LPP: variants seen among roughly 807,000 people sequenced by gnomAD.
The protein encoded by LPP is LIM domain containing preferred translocation partner in lipoma, also known as lipoma-preferred partner.
Under a neutral mutation model 60.4 loss-of-function variants are expected in LPP, and 38 were observed. The ratio of observed to expected loss-of-function variants is 0.63; its 90% CI spans 0.49 to 0.83. LPP has a LOEUF of 0.83. Among genes scored for constraint, LPP ranks in the 40% least tolerant of loss-of-function variants. LPP has a pLI of 0.00. For missense variants in LPP, 902 were observed against 783.6 expected, an observed-to-expected ratio of 1.15 and a Z score of -1.80; for synonymous variants, 328 against 290.8, an observed-to-expected ratio of 1.13 and a Z score of -1.30.
intron 8 of LPP, among the ~76,000 whole-genome samples, chr3:188,756,487 TA>T (rs1730297000): frequency 6.6e-6 from 1 of 152,190 alleles, no homozygotes; most frequent in Non-Finnish European, 1.5e-5. Flanking sequence ...GATACTTGTC[TA>T]AAAGATGGGC....
At chr3:188,284,404 C>T (rs905019544) in intron 2 of LPP, among the ~76,000 whole-genome samples, 14 of 152,008 alleles carry the variant, frequency 9.2e-5, no homozygotes, top group African/African-American at 2.9e-4. Flanking sequence ...GAGGGGCTTA[C>T]GGGAAGGATG....
At chr3:188,836,629 A>G (rs1758525364) in intron 9 of LPP, among the ~76,000 whole-genome samples, 1 of 152,222 alleles carries the variant, frequency 6.6e-6, no homozygotes, top group South Asian at 2.1e-4. Context: ...GCTTAATTCT[A>G]TTAGATGCGC....
At chr3:188,632,106 C>T (rs899923366) in intron 7 of LPP, among the ~76,000 whole-genome samples, 1 of 152,192 alleles carries the variant, frequency 6.6e-6, no homozygotes, top group Admixed American at 6.5e-5. Context: ...GATACTTCCT[C>T]AGAAATAGTT....
At chr3:188,698,196 C>G (rs1863684229) in intron 7 of LPP, among the ~76,000 whole-genome samples, 1 of 152,158 alleles carries the variant, frequency 6.6e-6, no homozygotes, top group South Asian at 2.1e-4. Flanking sequence ...CCTGGAGTCA[C>G]TGCCAGGCAT....
At chr3:188,583,849 C>G (rs776271785) in intron 6 of LPP, among the ~76,000 whole-genome samples, 16 of 152,132 alleles carry the variant, frequency 1.1e-4, no homozygotes, top group Non-Finnish European at 2.2e-4. Context: ...CAGACTGCTT[C>G]TAGAGAGCTT....
chr3:188,682,384 C>T (rs530465087), intron 7 of LPP, among the ~76,000 whole-genome samples: 1 of 151,972 alleles, frequency 6.6e-6, no homozygotes, highest in South Asian at 2.1e-4. Context: ...CGTTTATTAG[C>T]ATATGTGTCA....
Position 188,208,920 on chromosome 3 carries a change from T to G in LPP, c.-189-16485T>G, listed in dbSNP as rs555955207. On this transcript the variant is annotated intron_variant, in intron 1 of 11. Transcript: ENST00000617246. ...TATTTGTAATGGAATGCACAGTCATTTGTAAGTAATCACACAATAATCCCT... is the reference window on the plus strand; with the variant it reads ...TATTTGTAATGGAATGCACAGTCATGTGTAAGTAATCACACAATAATCCCT... 4.6e-5 allele frequency among the ~76,000 whole-genome samples: 7 copies of G among 152,384 alleles called. No homozygotes were observed. In the South Asian group the frequency reaches 1.4e-3, roughly 32 times the overall value.
At chr3:188,233,086 G>A (rs769273377) in intron 2 of LPP, among the ~76,000 whole-genome samples, 8 of 152,202 alleles carry the variant, frequency 5.3e-5, no homozygotes, top group African/African-American at 9.6e-5. Flanking sequence ...GACCTGCAGC[G>A]TTTGTGTATT....
intron 7 of LPP, among the ~76,000 whole-genome samples, chr3:188,649,061 C>T (rs1301764725): frequency 6.6e-6 from 1 of 152,200 alleles, no homozygotes; most frequent in African/African-American, 2.4e-5. Flanking sequence ...GTGCTATCGT[C>T]ATTGTCATTT....
intron 2 of LPP, among the ~76,000 whole-genome samples, chr3:188,318,753 C>CTTTTTTTTTTTTTTTTTTTTTTT (rs10708836): frequency 9.3e-5 from 9 of 96,838 alleles, no homozygotes; most frequent in South Asian, 3.5e-4. Flanking sequence ...AATTATGATT[C>CTTTTTTTTTTTTTTTTTTTTTTT]TTTTTTTTTT....
At chr3:188,167,225 C>T (rs764530314) in intron 1 of LPP, among the ~76,000 whole-genome samples, 6 of 152,082 alleles carry the variant, frequency 3.9e-5, no homozygotes, top group African/African-American at 1.2e-4. Flanking sequence ...TGGCCGGGCA[C>T]GGTGGCTCAG....
intron 1 of LPP, among the ~76,000 whole-genome samples, chr3:188,203,573 A>T (rs1194201340): frequency 4.0e-5 from 4 of 100,744 alleles, no homozygotes; most frequent in African/African-American, 1.6e-4. Flanking sequence ...ATAAATATAT[A>T]TTTAAATATA....
intron 5 of LPP, among the ~76,000 whole-genome samples, chr3:188,502,954 T>A (rs78766193): frequency 0.011 from 1,699 of 152,212 alleles, 36 homozygotes; most frequent in African/African-American, 0.038. Context: ...TACACCATCA[T>A]ATGGTAAAAA....
chr3:188,402,721 C>T (rs1782535073), intron 3 of LPP, among the ~76,000 whole-genome samples: 2 of 152,154 alleles, frequency 1.3e-5, no homozygotes, highest in Non-Finnish European at 2.9e-5. Flanking sequence ...GGCATTGTGC[C>T]GGTATAGTGA....
At chr3:188,294,840 C>G (rs971188147) in intron 2 of LPP, among the ~76,000 whole-genome samples, 12 of 152,306 alleles carry the variant, frequency 7.9e-5, no homozygotes, top group Non-Finnish European at 1.6e-4. Context: ...TGATAATGAG[C>G]CCCAGAAAGA....
At position 188,884,205 on chromosome 3, in the gene LPP, A is replaced by G. The variant is rs569063386; in HGVS notation, c.*9726A>G. ...AGAAGAGAAAGCTGAGGCTCAAGCC[A>G]TTAAGTGACTTGCCAAAAGCTGTGA... On this transcript the variant is annotated 3_prime_UTR_variant, in exon 12 of 12. Transcript: ENST00000617246. 4.4e-6 allele frequency: 1 copy of G among 229,126 alleles called. No homozygotes were observed. Among genetic ancestry groups the G allele is most frequent in the East Asian group, 6.2e-5 (1 of 16,076 alleles). The allele number at this position is 229,126 out of a possible 1,614,324, so 14.2% of individuals were successfully genotyped here.
chr3:188,429,489 A>G (rs989748615), intron 4 of LPP, among the ~76,000 whole-genome samples: 5 of 152,192 alleles, frequency 3.3e-5, no homozygotes, highest in Non-Finnish European at 7.3e-5. Context: ...TGGCCTTACT[A>G]TATGGTGAAA....
chr3:188,596,497 G>A (rs1358605008), intron 6 of LPP, among the ~76,000 whole-genome samples: 1 of 151,922 alleles, frequency 6.6e-6, no homozygotes, highest in Non-Finnish European at 1.5e-5. Flanking sequence ...CCATTTTGAA[G>A]AACAAATACG....
At chr3:188,579,409 T>A (rs1835520320) in intron 6 of LPP, among the ~76,000 whole-genome samples, 1 of 152,230 alleles carries the variant, frequency 6.6e-6, no homozygotes, top group Non-Finnish European at 1.5e-5. Flanking sequence ...ACTTCAGGTA[T>A]CATGTGAACA....
Sources: gnomAD v4.1 joint callset for allele counts (sites outside exome capture counted in the v4.1 genomes callset) on GRCh38, gnomAD v4.1.1 for gene constraint, MANE v1.5 for transcripts, NCBI Gene and HGNC (gene_info 2026-07-23, HGNC 2026-07-21) for gene names.